The following SUGCT variants were observed in gnomAD, a reference collection of about 807,000 sequenced individuals.
The protein encoded by SUGCT is succinyl-CoA:glutarate CoA-transferase.
SUGCT carries 41 observed loss-of-function variants against 55.0 expected under a neutral mutation model. The ratio of observed to expected loss-of-function variants is 0.74; its 90% CI spans 0.58 to 0.97. The LOEUF (loss-of-function observed/expected upper bound fraction) is 0.97. Among genes scored for constraint, SUGCT ranks in the 50% least tolerant of loss-of-function variants. The pLI, the probability that SUGCT is intolerant of heterozygous loss-of-function variation, is 0.00. For missense variants in SUGCT, 568 were observed against 547.8 expected (o/e 1.04, Z -0.37); for synonymous variants, 187 against 200.4 (o/e 0.93, Z 0.56).
chr7:40,789,286 T>C (rs1790192050), intron 13 of SUGCT, among the ~76,000 whole-genome samples: 1 of 152,154 alleles, frequency 6.6e-6, no homozygotes, highest in Non-Finnish European at 1.5e-5. Context: ...TCTTAGGTCC[T>C]GGTAACCACC....
intron 13 of SUGCT, among the ~76,000 whole-genome samples, chr7:40,835,320 C>G (rs1366886235): frequency 1.3e-5 from 2 of 152,162 alleles, no homozygotes; most frequent in South Asian, 2.1e-4. Flanking sequence ...GAATTAAAAT[C>G]TAATTTCCAA....
At position 40,561,673 on chromosome 7, in the gene SUGCT, A is replaced by T. The variant is rs554860369; in HGVS notation, c.1089+65287A>T. Among the ~76,000 whole-genome samples the T allele has an allele frequency of 2.2e-4, 32 of 144,224 alleles. No individual in the cohort carries two copies. The East Asian group carries it at 6.5e-3, about 29-fold the overall frequency. The allele number at this position is 144,224 out of a possible 152,430, so 94.6% of individuals were successfully genotyped here. A position where few individuals can be genotyped will look rare whatever the true frequency, so the allele number is the denominator to read the frequency against. Reference sequence around the variant, plus strand: ...CACGGATGATTCGCCAGAGGTGGAGATGCTTAAGCCGAGTCTTTTTTTTTT... The same window carrying T: ...CACGGATGATTCGCCAGAGGTGGAGTTGCTTAAGCCGAGTCTTTTTTTTTT... On this transcript the variant is annotated intron_variant, in intron 12 of 13. Coordinates refer to ENST00000335693, the MANE Select transcript of SUGCT (RefSeq NM_001193313.2).
intron 12 of SUGCT, among the ~76,000 whole-genome samples, chr7:40,671,367 C>G (rs73124021): frequency 0.16 from 24,933 of 152,074 alleles, 2,139 homozygotes; most frequent in Middle Eastern, 0.19. Context: ...AGAGCATCTA[C>G]AAAGTTCTGG....
intron 12 of SUGCT, among the ~76,000 whole-genome samples, chr7:40,640,295 C>G (rs1364336664): frequency 6.6e-6 from 1 of 152,164 alleles, no homozygotes; most frequent in Non-Finnish European, 1.5e-5. Flanking sequence ...CTTACCACCT[C>G]AAGATATAAG....
At chr7:40,670,734 T>C (rs1372681465) in intron 12 of SUGCT, among the ~76,000 whole-genome samples, 4 of 151,948 alleles carry the variant, frequency 2.6e-5, no homozygotes, top group Non-Finnish European at 4.4e-5. Flanking sequence ...ATTAAACACA[T>C]AATATAAATA....
chr7:40,999,568 G>A, the SUGCT span, among the ~76,000 whole-genome samples: 2 of 152,122 alleles, frequency 1.3e-5, no homozygotes, highest in African/African-American at 4.8e-5. Flanking sequence ...CACTATACAA[G>A]TGTTAAACAA....
chr7:40,836,278 T>C (rs1335310895), intron 13 of SUGCT, among the ~76,000 whole-genome samples: 1 of 152,212 alleles, frequency 6.6e-6, no homozygotes, highest in African/African-American at 2.4e-5. Flanking sequence ...CTTTTGTTTT[T>C]GTTGTCTTTT....
At chr7:40,292,714 G>T (rs1245277640) in intron 8 of SUGCT, among the ~76,000 whole-genome samples, 5 of 152,136 alleles carry the variant, frequency 3.3e-5, no homozygotes, top group African/African-American at 1.2e-4. Flanking sequence ...TGTGACTGTA[G>T]TTTCTGGTGC....
At chr7:40,815,618 T>C (rs577305797) in intron 13 of SUGCT, among the ~76,000 whole-genome samples, 2 of 152,266 alleles carry the variant, frequency 1.3e-5, no homozygotes, top group Non-Finnish European at 2.9e-5. Flanking sequence ...TGCCTGGGCA[T>C]GGAGCAGAAA....
chr7:40,197,785 T>G (rs751109619), intron 6 of SUGCT, among the ~76,000 whole-genome samples: 4 of 152,206 alleles, frequency 2.6e-5, no homozygotes, highest in Non-Finnish European at 4.4e-5. Flanking sequence ...GGTGTGGGTT[T>G]CGAGCAGGAT....
intron 12 of SUGCT, among the ~76,000 whole-genome samples, chr7:40,537,730 C>G (rs937226695): frequency 6.6e-6 from 1 of 152,034 alleles, no homozygotes; most frequent in African/African-American, 2.4e-5. Flanking sequence ...AACACTTTTC[C>G]TAGTTTTGTT....
chr7:40,438,670 T>C (rs1481699843), intron 9 of SUGCT, among the ~76,000 whole-genome samples: 2 of 152,080 alleles, frequency 1.3e-5, no homozygotes, highest in Non-Finnish European at 2.9e-5. Flanking sequence ...TCAGAAGCAA[T>C]TGTTTCTTGA....
the SUGCT span, among the ~76,000 whole-genome samples, chr7:40,983,932 T>C: frequency 6.6e-6 from 1 of 152,160 alleles, no homozygotes; most frequent in Non-Finnish European, 1.5e-5. Flanking sequence ...GGGGGATAGA[T>C]GGAGAGCTCC....
intron 9 of SUGCT, among the ~76,000 whole-genome samples, chr7:40,425,920 G>A (rs12531683): frequency 0.11 from 16,999 of 152,086 alleles, 1,409 homozygotes; most frequent in East Asian, 0.48. Context: ...ATCTTTCAGC[G>A]CTTCTGTTTC....
the SUGCT span, among the ~76,000 whole-genome samples, chr7:40,997,205 C>A: frequency 7.2e-5 from 11 of 152,208 alleles, no homozygotes; most frequent in Non-Finnish European, 1.3e-4. Context: ...TATTCAGAAT[C>A]TACTCTCTGT....
At chr7:40,666,390 G>GGAAGGAAGGAAGGAAA (rs1554398428) in intron 12 of SUGCT, among the ~76,000 whole-genome samples, 15 of 138,518 alleles carry the variant, frequency 1.1e-4, no homozygotes, top group African/African-American at 3.7e-4. Flanking sequence ...AAGGAAGGAA[G>GGAAGGAAGGAAGGAAA]GAAAGAAAGA....
At chr7:40,575,698 C>A (rs1176083556) in intron 12 of SUGCT, among the ~76,000 whole-genome samples, 2 of 152,044 alleles carry the variant, frequency 1.3e-5, no homozygotes. Flanking sequence ...GTAATCCCAG[C>A]ACTTTGGGAG....
At chr7:40,205,419 A>G (rs1786908530) in intron 6 of SUGCT, among the ~76,000 whole-genome samples, 1 of 151,820 alleles carries the variant, frequency 6.6e-6, no homozygotes, top group East Asian at 1.9e-4. Context: ...AGGTGGGCAG[A>G]TCATCTGAGG....
intron 8 of SUGCT, among the ~76,000 whole-genome samples, chr7:40,306,154 T>A (rs1260642203): frequency 2.0e-5 from 3 of 152,214 alleles, no homozygotes; most frequent in Non-Finnish European, 4.4e-5. Context: ...TGCTGCTTTG[T>A]TGACACTGCA....
Sources: allele counts gnomAD v4.1 joint callset (sites outside exome capture counted in the v4.1 genomes callset), GRCh38; gene constraint gnomAD v4.1.1; transcripts MANE v1.5; gene names NCBI Gene and HGNC (gene_info 2026-07-23, HGNC 2026-07-21).